The following ACOT1 variants were observed in gnomAD, a reference collection of about 807,000 sequenced individuals.
ACOT1 encodes the protein acyl-coenzyme A thioesterase 1.
ACOT1 carries 8 observed loss-of-function variants against 15.7 expected under a neutral mutation model. The observed-to-expected ratio is 0.51, with a 90% CI of 0.30 to 0.92. The LOEUF (loss-of-function observed/expected upper bound fraction) is 0.92. Ranked by LOEUF, ACOT1 falls within the 40% of genes least tolerant of loss-of-function variation. The pLI is 0.06. For missense variants in ACOT1, 151 were observed against 539.4 expected (o/e 0.28, Z 7.13); for synonymous variants, 67 against 241.2 (o/e 0.28, Z 6.69).
Position 73,537,566 on chromosome 14 carries a change from C to A in ACOT1, c.145C>A (p.His49Asn), listed in dbSNP as rs766065210. ...RDEKGALFQAHARYRADTLGE... is the reference protein window; with the variant it reads ...RDEKGALFQANARYRADTLGE... ...CGAGAAGGGCGCGCTTTTCCAGGCCCACGCGCGCTACCGCGCCGACACCCT... is the reference window on the plus strand; with the variant it reads ...CGAGAAGGGCGCGCTTTTCCAGGCCAACGCGCGCTACCGCGCCGACACCCT... The change falls in exon 1 of 3, where the codon CAC becomes AAC. Residue 49 changes from histidine to asparagine, a missense_variant. Physicochemically the swap from His to Asn is moderately conservative, Grantham distance 68. Coordinates refer to ENST00000311148, the MANE Select transcript of ACOT1 (RefSeq NM_001037161.2). 18 of 1,214,880 alleles carry A rather than the reference C, an allele frequency of 1.5e-5. 5 individuals are homozygous for A. Among genetic ancestry groups the A allele is most frequent in the African/African-American group, 4.7e-5 (3 of 63,806 alleles). 75.3% of individuals were successfully genotyped at this position (1,214,880 alleles called of 1,614,324 possible).
chr14:73,522,070 A>T, the ACOT1 span, among the ~76,000 whole-genome samples: 1 of 152,224 alleles, frequency 6.6e-6, no homozygotes, highest in Admixed American at 6.5e-5. Context: ...AGCTCCCACA[A>T]CAAAAATTAT....
At chr14:73,534,341 T>C (rs1196372612), upstream of ACOT1, among the ~76,000 whole-genome samples, 3 of 107,686 alleles carry the variant, frequency 2.8e-5, 1 homozygote, top group Admixed American at 1.1e-4. Flanking sequence ...ATCAGACCAC[T>C]GCACTCCAGC....
chr14:73,512,081 G>A, the ACOT1 span: 47 of 1,613,978 alleles, frequency 2.9e-5, no homozygotes, highest in Middle Eastern at 4.9e-4. Context: ...GCTTTGATCC[G>A]AACGTCATCA....
upstream of ACOT1, among the ~76,000 whole-genome samples, chr14:73,534,905 C>T (rs140008880): frequency 4.5e-5 from 5 of 110,264 alleles, 2 homozygotes; most frequent in African/African-American, 8.9e-5. Flanking sequence ...AGGCCTCCCC[C>T]CTAACAGCTG....
At position 73,537,702 on chromosome 14, in the gene ACOT1, TG is replaced by T; in HGVS notation, c.282del (p.Lys95SerfsTer91). 8.1e-7 allele frequency: 1 copy of T among 1,240,756 alleles called. No individual in the cohort carries two copies. The highest frequency in any genetic ancestry group is 1.4e-5 in the South Asian group (1 of 72,310). The allele number at this position is 1,240,756 out of a possible 1,614,324, so 76.9% of individuals were successfully genotyped here. Reference protein sequence around the residue: ...LEPEKPLVRLVKRDVRTPLAV... With the variant: ...LEPEKPLVRLXKRDVRTPLAV... ...CCCGAGAAACCCTTGGTGCGGCTGG[TG>T]AAGCGCGACGTGCGAACGCCCTTGG... On this transcript the variant is annotated frameshift_variant, in exon 1 of 3. Coordinates refer to ENST00000311148, the MANE Select transcript of ACOT1 (RefSeq NM_001037161.2). LOFTEE classifies it high-confidence loss of function.
chr14:73,495,060 AC>A, the ACOT1 span, among the ~76,000 whole-genome samples: 5 of 86,802 alleles, frequency 5.8e-5, no homozygotes, highest in African/African-American at 2.2e-4. Context: ...AAACAAACAA[AC>A]AAAAAAAAAA....
At chr14:73,500,525 ATGAG>A in the ACOT1 span, 1 of 1,606,620 alleles carries the variant, frequency 6.2e-7, no homozygotes. Context: ...ATCAGGTAAG[ATGAG>A]AATATGTTTC....
chr14:73,492,872 C>T, the ACOT1 span: 1 of 1,613,878 alleles, frequency 6.2e-7, no homozygotes, highest in Non-Finnish European at 8.5e-7. The surrounding 1 kb of genome is among the most constrained non-coding windows in gnomAD (Gnocchi z 4.9). Flanking sequence ...TGTGGAGGAC[C>T]AGCTGTCCTT....
At chr14:73,529,379 T>TAAAAAAAAAAAAAAAAAAAAAAA in the ACOT1 span, among the ~76,000 whole-genome samples, 1 of 116,788 alleles carries the variant, frequency 8.6e-6, no homozygotes. Flanking sequence ...AAAAAAAAAT[T>TAAAAAAAAAAAAAAAAAAAAAAA]AAGTCAATCC....
chr14:73,533,307 C>T (rs1888765561), upstream of ACOT1, among the ~76,000 whole-genome samples: 1 of 115,236 alleles, frequency 8.7e-6, no homozygotes, highest in African/African-American at 2.8e-5. Context: ...GTGGAAAGAA[C>T]CCAAATGTCC....
At chr14:73,512,647 T>C in the ACOT1 span, among the ~76,000 whole-genome samples, 2 of 152,232 alleles carry the variant, frequency 1.3e-5, no homozygotes, top group African/African-American at 4.8e-5. Flanking sequence ...CCTGGCAAGA[T>C]AATGAAGGTT....
chr14:73,493,248 T>C, the ACOT1 span: 12 of 765,970 alleles, frequency 1.6e-5, no homozygotes, highest in African/African-American at 2.1e-4. Flanking sequence ...ACCATGTCGT[T>C]CTGCTTGAGA....
At chr14:73,504,235 G>A in the ACOT1 span, among the ~76,000 whole-genome samples, 1 of 149,862 alleles carries the variant, frequency 6.7e-6, no homozygotes, top group African/African-American at 2.5e-5. Flanking sequence ...GTGCCACCAA[G>A]CCTGGCTAAT....
At chr14:73,506,804 G>GTTTTTTTTTGT in the ACOT1 span, among the ~76,000 whole-genome samples, 1 of 80,522 alleles carries the variant, frequency 1.2e-5, no homozygotes, top group African/African-American at 4.9e-5. Context: ...GACTTTAACT[G>GTTTTTTTTTGT]TTTTTTTTTT....
chr14:73,504,002 T>C, the ACOT1 span, among the ~76,000 whole-genome samples: 1 of 152,182 alleles, frequency 6.6e-6, no homozygotes, highest in Non-Finnish European at 1.5e-5. Flanking sequence ...TACAAATGAA[T>C]TGGAAGTTGT....
the ACOT1 span, among the ~76,000 whole-genome samples, chr14:73,498,714 T>C: frequency 6.6e-6 from 1 of 152,206 alleles, no homozygotes. Context: ...GGGTTTTAGG[T>C]CTGTAGCAGT....
At chr14:73,542,913 C>G in intron 2 of ACOT1, 137 bp from the exon 3 acceptor site, 1 of 939,578 alleles carries the variant, frequency 1.1e-6, no homozygotes, top group South Asian at 1.8e-5. Flanking sequence ...AGGTAAATTC[C>G]CAAAGCTGCA....
the ACOT1 span, chr14:73,492,384 G>A: frequency 1.2e-6 from 2 of 1,613,868 alleles, no homozygotes; most frequent in African/African-American, 1.3e-5. This position sits in a 1 kb window ranked among gnomAD's most constrained non-coding sequence, Gnocchi z 4.9. Flanking sequence ...GGTCTGCCCC[G>A]AGACTTCATG....
intron 1 of ACOT1, chr14:73,539,446 C>T (rs1488261668): frequency 8.2e-6 from 1 of 122,520 alleles, no homozygotes; most frequent in African/African-American, 2.8e-5. Context: ...TGCTGCTCTA[C>T]CCAGCGGTGC....
Sources: gnomAD v4.1 joint callset for allele counts (sites outside exome capture counted in the v4.1 genomes callset) on GRCh38, gnomAD v4.1.1 for gene constraint, Gnocchi (gnomAD v3.1) non-coding constraint, MANE v1.5 for transcripts, NCBI Gene and HGNC (gene_info 2026-07-23, HGNC 2026-07-21) for gene names.